Variants in ZNF385D observed in about 807,000 individuals in gnomAD.
The protein encoded by ZNF385D is zinc finger protein 385D.
In ZNF385D, 15 loss-of-function variants were observed where a neutral mutation model predicts 35.8. That is an observed-to-expected ratio of 0.42 (90% CI 0.28 to 0.64). The LOEUF is 0.64. Ranked by LOEUF, ZNF385D falls within the 30% of genes least tolerant of loss-of-function variation. The pLI is 0.23. For synonymous variants in ZNF385D, 212 were observed against 186.8 expected (o/e 1.13, Z -1.10); for missense variants, 474 against 494.6 (o/e 0.96, Z 0.39).
At chr3:21,651,006 G>A (rs1291611958) in intron 2 of ZNF385D, among the ~76,000 whole-genome samples, 2 of 151,886 alleles carry the variant, frequency 1.3e-5, no homozygotes, top group African/African-American at 2.4e-5. Flanking sequence ...AGGGCCAGGC[G>A]CGGTGGCTCA....
At chr3:21,663,899 ATATATATATATATATATATT>A (rs1471018317) in intron 2 of ZNF385D, among the ~76,000 whole-genome samples, 3 of 115,674 alleles carry the variant, frequency 2.6e-5, no homozygotes, top group Non-Finnish European at 5.4e-5. Context: ...GAATATATAT[ATATATATATATATATATATT>A]TATTTATTTA....
intron 3 of ZNF385D, among the ~76,000 whole-genome samples, chr3:22,095,421 A>T (rs183801393): frequency 2.0e-4 from 31 of 151,898 alleles, no homozygotes; most frequent in African/African-American, 7.5e-4. Context: ...CTTTCCTCTG[A>T]GAATCTTCTC....
intron 1 of ZNF385D, 61 bp from the exon 2 acceptor site, chr3:21,665,089 G>A: frequency 6.7e-7 from 1 of 1,501,586 alleles, no homozygotes; most frequent in Non-Finnish European, 8.9e-7. Flanking sequence ...AAACACCAAA[G>A]TTGCTTTTGA....
At chr3:21,904,236 G>A (rs560726433) in intron 3 of ZNF385D, among the ~76,000 whole-genome samples, 4 of 150,086 alleles carry the variant, frequency 2.7e-5, no homozygotes, top group East Asian at 4.0e-4. Context: ...CCCAGGAGGC[G>A]GAGGTTGCAG....
At chr3:21,743,123 G>A (rs2069598640) in intron 1 of ZNF385D, among the ~76,000 whole-genome samples, 1 of 152,118 alleles carries the variant, frequency 6.6e-6, no homozygotes, top group Non-Finnish European at 1.5e-5. Flanking sequence ...CAGCACTACT[G>A]AATGGAAGAG....
At chr3:21,871,393 T>C (rs1419237915) in intron 3 of ZNF385D, among the ~76,000 whole-genome samples, 1 of 152,150 alleles carries the variant, frequency 6.6e-6, no homozygotes, top group Non-Finnish European at 1.5e-5. Context: ...ACCCGAAATA[T>C]TAATACTATT....
chr3:22,205,106 C>A (rs1377712114), intron 2 of ZNF385D, among the ~76,000 whole-genome samples: 2 of 151,622 alleles, frequency 1.3e-5, no homozygotes, highest in African/African-American at 2.4e-5. Flanking sequence ...GGAAAAGATT[C>A]TAAAAGTAGC....
Position 21,587,661 on chromosome 3 carries a change from G to C in ZNF385D, c.166-22977C>G, listed in dbSNP as rs534763998. Reference sequence around the variant, plus strand: ...GTTGAAGAGTTTTAAAATGTGTTCAGTGTTGAGGTTAAATATAAGAATTAT... The same window carrying C: ...GTTGAAGAGTTTTAAAATGTGTTCACTGTTGAGGTTAAATATAAGAATTAT... On this transcript the variant is annotated intron_variant, in intron 2 of 7. Transcript: ENST00000281523. Among the ~76,000 whole-genome samples the C allele has an allele frequency of 4.6e-5, 7 of 152,174 alleles. No homozygotes were observed. In the East Asian group the frequency reaches 1.3e-3, roughly 29 times the overall value.
intron 3 of ZNF385D, among the ~76,000 whole-genome samples, chr3:21,760,167 C>T (rs1024940378): frequency 2.6e-5 from 4 of 152,140 alleles, no homozygotes; most frequent in African/African-American, 9.7e-5. Flanking sequence ...ATCTCTGATC[C>T]TTTTGGTGGA....
At chr3:21,893,139 G>A (rs1698965272) in intron 3 of ZNF385D, among the ~76,000 whole-genome samples, 1 of 152,230 alleles carries the variant, frequency 6.6e-6, no homozygotes, top group Middle Eastern at 3.4e-3. Context: ...AGAGCTTTAA[G>A]TTTCTCATCT....
At chr3:21,714,230 G>C (rs2068226229) in intron 1 of ZNF385D, among the ~76,000 whole-genome samples, 1 of 152,104 alleles carries the variant, frequency 6.6e-6, no homozygotes, top group Non-Finnish European at 1.5e-5. Flanking sequence ...CCTTCCTGCT[G>C]TCCAGTAAAC....
chr3:21,813,006 A>G (rs1005694963), intron 3 of ZNF385D, among the ~76,000 whole-genome samples: 5 of 152,152 alleles, frequency 3.3e-5, no homozygotes, highest in African/African-American at 1.2e-4. Flanking sequence ...TTCCAGAGGA[A>G]GCATCAGGCA....
At chr3:22,170,477 T>C (rs1478409717) in intron 2 of ZNF385D, among the ~76,000 whole-genome samples, 1 of 152,174 alleles carries the variant, frequency 6.6e-6, no homozygotes, top group East Asian at 1.9e-4. Context: ...CTATCCAAAT[T>C]CCAAAATGAG....
chr3:21,660,474 G>T (rs1575414651), intron 2 of ZNF385D, among the ~76,000 whole-genome samples: 2 of 152,098 alleles, frequency 1.3e-5, no homozygotes, highest in African/African-American at 4.8e-5. Flanking sequence ...CGGGGGCATG[G>T]TATCATGCTC....
At chr3:22,073,331 A>G (rs941118061) in intron 3 of ZNF385D, among the ~76,000 whole-genome samples, 2 of 101,252 alleles carry the variant, frequency 2.0e-5, no homozygotes, top group Non-Finnish European at 4.6e-5. Context: ...ACAGACAGTG[A>G]AAAAAAAAAA....
intron 2 of ZNF385D, among the ~76,000 whole-genome samples, chr3:22,359,897 T>C (rs192429831): frequency 6.6e-6 from 1 of 152,018 alleles, no homozygotes; most frequent in Non-Finnish European, 1.5e-5. Context: ...GAATTAGATA[T>C]ACATACTAGC....
chr3:21,425,727 G>C, intron 5 of ZNF385D, 57 bp from the exon 6 acceptor site: 1 of 1,462,014 alleles, frequency 6.8e-7, no homozygotes, highest in Non-Finnish European at 9.1e-7. Flanking sequence ...GGGAGGGAGA[G>C]AAGGAGGTGG....
chr3:21,694,996 A>G (rs529429376), intron 1 of ZNF385D, among the ~76,000 whole-genome samples: 2 of 152,332 alleles, frequency 1.3e-5, no homozygotes, highest in South Asian at 4.1e-4. Context: ...TAGCTCCACC[A>G]CAAAATTGCT....
intron 1 of ZNF385D, among the ~76,000 whole-genome samples, chr3:21,718,167 G>GT (rs2068397488): frequency 1.3e-5 from 2 of 152,188 alleles, no homozygotes; most frequent in African/African-American, 4.8e-5. Context: ...TCTACATGAT[G>GT]TATTTCAGAA....
Sources: gnomAD v4.1 joint callset for allele counts (sites outside exome capture counted in the v4.1 genomes callset) on GRCh38, gnomAD v4.1.1 for gene constraint, MANE v1.5 for transcripts, NCBI Gene and HGNC (gene_info 2026-07-23, HGNC 2026-07-21) for gene names.